Variants in IL21R observed in about 807,000 individuals in gnomAD.
The protein encoded by IL21R is interleukin 21 receptor.
IL21R carries 14 observed loss-of-function variants against 41.3 expected under a neutral mutation model. That is an observed-to-expected ratio of 0.34 (90% CI 0.22 to 0.53). IL21R has a LOEUF of 0.53. Ranked by LOEUF, IL21R falls within the 20% of genes least tolerant of loss-of-function variation. The probability of loss-of-function intolerance (pLI) is 0.94; values close to 1 mark genes in which losing one functional copy is unlikely to be tolerated. For missense variants in IL21R, 588 were observed against 681.6 expected (o/e 0.86, Z 1.53); for synonymous variants, 286 against 287.6 (o/e 0.99, Z 0.05).
At chr16:27,430,819 A>ACAG (rs1282966463) in intron 2 of IL21R, among the ~76,000 whole-genome samples, 1 of 152,208 alleles carries the variant, frequency 6.6e-6, no homozygotes, top group African/African-American at 2.4e-5. Flanking sequence ...TCTCAAAACA[A>ACAG]CAGCAACAAC....
At chr16:27,407,018 C>T (rs377480845) in intron 1 of IL21R, among the ~76,000 whole-genome samples, 5 of 152,328 alleles carry the variant, frequency 3.3e-5, no homozygotes, top group Admixed American at 2.0e-4. Context: ...TGATTATTCA[C>T]ACTCTGGAAG....
chr16:27,431,844 A>G (rs571763618), intron 2 of IL21R, among the ~76,000 whole-genome samples: 1 of 152,236 alleles, frequency 6.6e-6, no homozygotes, highest in African/African-American at 2.4e-5. Flanking sequence ...GGGTTTCACC[A>G]TGTTGGCCAG....
chr16:27,405,962 G>A (rs9938401), intron 1 of IL21R, among the ~76,000 whole-genome samples: 59,510 of 152,194 alleles, frequency 0.39, 13,064 homozygotes, highest in African/African-American at 0.6. Flanking sequence ...AATTGTCCCC[G>A]GGGAGTTGGG....
At chr16:27,418,796 CA>C (rs1439315244) in intron 1 of IL21R, among the ~76,000 whole-genome samples, 1 of 152,076 alleles carries the variant, frequency 6.6e-6, no homozygotes, top group Non-Finnish European at 1.5e-5. Flanking sequence ...ACTTAAGACA[CA>C]AACACATTGT....
intron 1 of IL21R, among the ~76,000 whole-genome samples, chr16:27,422,076 G>C (rs951118556): frequency 2.4e-4 from 36 of 151,802 alleles, no homozygotes; most frequent in African/African-American, 8.5e-4. Flanking sequence ...ATTCTAAATT[G>C]GCTTTTGAAA....
chr16:27,449,609 A>C lies in IL21R; in HGVS notation c.*326A>C, dbSNP rs557968085. The C allele has an allele frequency of 2.2e-3, 850 of 384,754 alleles. No homozygotes were observed. The highest frequency in any genetic ancestry group is 3.3e-3 in the Non-Finnish European group (697 of 212,500). 23.8% of individuals were successfully genotyped at this position (384,754 alleles called of 1,614,324 possible). Reference sequence around the variant, plus strand: ...GGACTCACGGAGCTCACCCATGTGCACAAGTGTGCACAGTAAACGTGTTTG... The same window carrying C: ...GGACTCACGGAGCTCACCCATGTGCCCAAGTGTGCACAGTAAACGTGTTTG... On this transcript the variant is annotated 3_prime_UTR_variant, in exon 9 of 9. Transcript: ENST00000337929.
rs1242759295 is a variant in IL21R, at chr16:27,448,887, C to A, written c.1221C>A (p.Gly407=). The change falls in exon 9 of 9, where the codon GGC becomes GGA. Residue 407 remains glycine, a synonymous_variant. Coordinates refer to ENST00000337929, the MANE Select transcript of IL21R (RefSeq NM_181078.3). ...DGYPALDLDA[G]LEPSPGLEDP... is the part of the protein sequence containing the mutation. The stretch of plus-strand genomic sequence containing the variant: ...ACCCAGCCCTGGACCTGGATGCTGG[C>A]CTGGAGCCCAGCCCAGGCCTAGAGG... 6.2e-7 allele frequency: 1 copy of A among 1,611,926 alleles called. No individual in the cohort carries two copies. The highest frequency in any genetic ancestry group is 8.5e-7 in the Non-Finnish European group (1 of 1,179,334).
chr16:27,411,792 G>A (rs1238758574), intron 1 of IL21R, among the ~76,000 whole-genome samples: 1 of 151,952 alleles, frequency 6.6e-6, no homozygotes, highest in Admixed American at 6.6e-5. Flanking sequence ...TTGTTTTTGT[G>A]TTGTTATTGA....
rs1405071048 is a variant in IL21R at position 27,425,548 on chromosome 16, TG to T, written c.-16-4507del. On this transcript the variant is annotated intron_variant, in intron 1 of 8. Coordinates refer to ENST00000337929, the MANE Select transcript of IL21R (RefSeq NM_181078.3). ...TTAAACACTACTCTCTCTTTTTTTGTGTTTTGTTTTGTTTTTTTTTGAGACA... is the reference window on the plus strand; with the variant it reads ...TTAAACACTACTCTCTCTTTTTTTGTTTTTGTTTTGTTTTTTTTTGAGACA... Among the ~76,000 whole-genome samples, 273 of 147,732 alleles carry T rather than the reference TG, an allele frequency of 1.8e-3. 2 individuals are homozygous for T. Among genetic ancestry groups the T allele is most frequent in the Middle Eastern group, 0.017 (5 of 294 alleles).
intron 1 of IL21R, among the ~76,000 whole-genome samples, chr16:27,426,922 A>T (rs2087086999): frequency 6.6e-6 from 1 of 152,144 alleles, no homozygotes; most frequent in Non-Finnish European, 1.5e-5. Flanking sequence ...TGAGAAATCC[A>T]CAGGGTGGAC....
At chr16:27,418,260 G>A (rs2086930431) in intron 1 of IL21R, among the ~76,000 whole-genome samples, 1 of 151,644 alleles carries the variant, frequency 6.6e-6, no homozygotes, top group Non-Finnish European at 1.5e-5. Context: ...TAGTAGAGAT[G>A]GGGTTTCACG....
At position 27,443,104 on chromosome 16, in the gene IL21R, C is replaced by A. The variant is rs779790998; in HGVS notation, c.495C>A (p.Asp165Glu). ...AGCTGCAGTACAGGAACCGGGGAGA[C>A]CCCTGGGCTGTGGTGAGGAATGTGG... ...QYELQYRNRG[D>E]PWAVSPRRKL... The change falls in exon 5 of 9, where the codon GAC becomes GAA. Residue 165 changes from aspartate (D) to glutamate (E), a missense_variant. By Grantham distance (45) the Asp-to-Glu change is conservative. Transcript: ENST00000337929. 106 of 1,611,240 alleles carry A rather than the reference C, an allele frequency of 6.6e-5. No individual in the cohort carries two copies. Among genetic ancestry groups the A allele is most frequent in the Non-Finnish European group, 8.7e-5 (102 of 1,178,686 alleles).
At chr16:27,438,929 G>GGTGTGT (rs60330499) in intron 4 of IL21R, among the ~76,000 whole-genome samples, 1,642 of 149,118 alleles carry the variant, frequency 0.011, 36 homozygotes, top group East Asian at 0.096. Context: ...GCTTTGGCAT[G>GGTGTGT]GTGTGTGTGT....
intron 1 of IL21R, among the ~76,000 whole-genome samples, chr16:27,413,937 C>T: frequency 6.6e-6 from 1 of 151,894 alleles, no homozygotes; most frequent in East Asian, 1.9e-4. Context: ...ATAATAATAA[C>T]AATTATTATT....
chr16:27,434,751 AC>A (rs1343563357), intron 3 of IL21R, among the ~76,000 whole-genome samples: 1 of 151,954 alleles, frequency 6.6e-6, no homozygotes, highest in Non-Finnish European at 1.5e-5. Context: ...ATGAATGGTC[AC>A]CCCCAACCCT....
intron 1 of IL21R, among the ~76,000 whole-genome samples, chr16:27,420,353 T>C (rs1174554564): frequency 6.6e-6 from 1 of 152,240 alleles, no homozygotes; most frequent in Non-Finnish European, 1.5e-5. Flanking sequence ...ATGCAGTCTG[T>C]CATTGAATGA....
Position 27,445,196 on chromosome 16 carries a change from C to G in IL21R, c.705C>G (p.Asn235Lys). 1 of 1,613,882 alleles carries G rather than the reference C, an allele frequency of 6.2e-7. No homozygotes were observed. The highest frequency in any genetic ancestry group is 8.5e-7 in the Non-Finnish European group (1 of 1,179,770). ...TCCCAGAGTTAAAGGAAGGCTGGAACCCTCACCTGCTGCTTCTCCTCCTGC... is the reference window on the plus strand; with the variant it reads ...TCCCAGAGTTAAAGGAAGGCTGGAAGCCTCACCTGCTGCTTCTCCTCCTGC... ...TQSEELKEGWNPHLLLLLLLV... is the reference protein window; with the variant it reads ...TQSEELKEGWKPHLLLLLLLV... Residue 235 changes from asparagine (N) to lysine (K), a missense_variant, in exon 7 of 9, where the codon AAC (asparagine) becomes AAG (lysine). By Grantham distance (94) the Asn-to-Lys change is moderately conservative. Transcript: ENST00000337929.
intron 2 of IL21R, among the ~76,000 whole-genome samples, chr16:27,431,404 C>T (rs1030923686): frequency 4.6e-5 from 7 of 152,120 alleles, no homozygotes; most frequent in Admixed American, 2.6e-4. Flanking sequence ...GTTGTAATGA[C>T]GCCCAGTTTT....
rs145091484 is a variant in IL21R, at chr16:27,440,279, AGCGAGCAAGC to A, written c.352+2596_352+2605del. The stretch of plus-strand genomic sequence containing the variant: ...GAGAGAGAGAGAGAGAGAGAGAGAG[AGCGAGCAAGC>A]GCGCGCCAGGGTGTAGCTTTGTCCT... On this transcript the variant is annotated intron_variant, in intron 4 of 8. Coordinates refer to ENST00000337929, the MANE Select transcript of IL21R (RefSeq NM_181078.3). Among the ~76,000 whole-genome samples the A allele has an allele frequency of 2.4e-3, 314 of 131,796 alleles. 2 individuals carry two copies. The highest frequency in any genetic ancestry group is 2.8e-3 in the Non-Finnish European group (174 of 62,860). 86.5% of individuals were successfully genotyped at this position (131,796 alleles called of 152,430 possible).
Sources: allele counts gnomAD v4.1 joint callset (sites outside exome capture counted in the v4.1 genomes callset), GRCh38; gene constraint gnomAD v4.1.1; transcripts MANE v1.5; gene names NCBI Gene and HGNC (gene_info 2026-07-23, HGNC 2026-07-21).